The following XKR6 variants were observed in gnomAD, a reference collection of about 807,000 sequenced individuals.
The protein encoded by XKR6 is XK related 6.
In XKR6, 22 loss-of-function variants were observed where a neutral mutation model predicts 56.7. The observed-to-expected ratio is 0.39, with a 90% confidence interval of 0.28 to 0.55. XKR6 has a LOEUF of 0.55. Ranked by LOEUF, XKR6 falls within the 20% of genes least tolerant of loss-of-function variation. XKR6 has a pLI of 0.66. For missense variants in XKR6, 852 were observed against 889.0 expected (o/e 0.96, Z 0.53); for synonymous variants, 524 against 387.8 (o/e 1.35, Z -4.13).
At chr8:11,119,638 T>C (rs1799350864) in intron 1 of XKR6, among the ~76,000 whole-genome samples, 1 of 152,240 alleles carries the variant, frequency 6.6e-6, no homozygotes. Flanking sequence ...CCCTGCCTTT[T>C]TTTTGTTTTC....
intron 1 of XKR6, among the ~76,000 whole-genome samples, chr8:11,110,846 T>TG (rs1216833267): frequency 6.6e-6 from 1 of 152,036 alleles, no homozygotes; most frequent in African/African-American, 2.4e-5. Context: ...ACTTTCCTTT[T>TG]TTTTTTTTGA....
chr8:10,974,139 G>A (rs1054832249), intron 1 of XKR6, among the ~76,000 whole-genome samples: 2 of 152,224 alleles, frequency 1.3e-5, no homozygotes, highest in African/African-American at 2.4e-5. Context: ...AGATGGTGGG[G>A]GAGGAAGAGT....
chr8:11,069,900 G>A (rs1168953395), intron 1 of XKR6, among the ~76,000 whole-genome samples: 1 of 152,194 alleles, frequency 6.6e-6, no homozygotes, highest in African/African-American at 2.4e-5. Context: ...TCAACCTTGG[G>A]TATTTTAATG....
At chr8:11,136,639 G>C (rs938170973) in intron 1 of XKR6, among the ~76,000 whole-genome samples, 1 of 152,106 alleles carries the variant, frequency 6.6e-6, no homozygotes, top group African/African-American at 2.4e-5. Flanking sequence ...TACCCTATCA[G>C]TAGAGACAAG....
At chr8:10,976,588 G>C (rs992600042) in intron 1 of XKR6, among the ~76,000 whole-genome samples, 20 of 152,192 alleles carry the variant, frequency 1.3e-4, no homozygotes, top group Admixed American at 3.9e-4. Flanking sequence ...TGTGCCAAAC[G>C]ATGGTCACAG....
At chr8:11,185,569 G>C (rs957872968) in intron 1 of XKR6, among the ~76,000 whole-genome samples, 2 of 152,146 alleles carry the variant, frequency 1.3e-5, no homozygotes, top group East Asian at 1.9e-4. Context: ...CAACAGATGA[G>C]AATCAGTAGT....
intron 1 of XKR6, among the ~76,000 whole-genome samples, chr8:11,000,444 G>A (rs546153917): frequency 4.6e-5 from 7 of 152,138 alleles, no homozygotes; most frequent in Admixed American, 6.6e-5. Flanking sequence ...CAAGCTCTTT[G>A]GGAAACTGAG....
intron 1 of XKR6, among the ~76,000 whole-genome samples, chr8:10,945,142 C>T (rs909552925): frequency 7.2e-5 from 11 of 152,202 alleles, no homozygotes; most frequent in Non-Finnish European, 1.5e-4. Flanking sequence ...AAGTAGGGCT[C>T]AGGCCACCAG....
chr8:11,022,023 G>A (rs1194562056), intron 1 of XKR6, among the ~76,000 whole-genome samples: 1 of 151,488 alleles, frequency 6.6e-6, no homozygotes, highest in Non-Finnish European at 1.5e-5. Flanking sequence ...AAAACAAAGG[G>A]GAAGAAACAA....
chr8:10,985,834 G>C (rs759325697), intron 1 of XKR6, among the ~76,000 whole-genome samples: 1 of 152,076 alleles, frequency 6.6e-6, no homozygotes, highest in Non-Finnish European at 1.5e-5. Flanking sequence ...TTGAACTCCC[G>C]AGCTCAAGCG....
intron 1 of XKR6, among the ~76,000 whole-genome samples, chr8:10,976,530 G>T (rs1022334778): frequency 6.6e-6 from 1 of 152,180 alleles, no homozygotes; most frequent in African/African-American, 2.4e-5. Flanking sequence ...CCCTGTGCAC[G>T]GAGGCCTGCA....
At chr8:11,177,562 GAGGTCATAATGGAAT>G (rs113410502) in intron 1 of XKR6, among the ~76,000 whole-genome samples, 46,190 of 152,060 alleles carry the variant, frequency 0.3, 7,692 homozygotes, top group Non-Finnish European at 0.37. Flanking sequence ...AACTTAAGGT[GAGGTCATAATGGAAT>G]AGGCAAGGCC....
chr8:11,072,156 A>G, intron 1 of XKR6, among the ~76,000 whole-genome samples: 1 of 152,236 alleles, frequency 6.6e-6, no homozygotes, highest in South Asian at 2.1e-4. Context: ...TCACCTGTAC[A>G]GCCAATACCG....
chr8:11,142,789 A>G (rs749565681), intron 1 of XKR6, among the ~76,000 whole-genome samples: 9 of 152,234 alleles, frequency 5.9e-5, no homozygotes, highest in Non-Finnish European at 1.2e-4. Context: ...ATTTCTTTAT[A>G]GCAACACAAG....
chr8:10,913,527 T>C (rs991393233), intron 2 of XKR6, among the ~76,000 whole-genome samples: 1 of 152,134 alleles, frequency 6.6e-6, no homozygotes, highest in African/African-American at 2.4e-5. Context: ...GCCATCGCTG[T>C]TGGGTGCTTC....
chr8:11,040,359 T>TAAAA (rs143219123), intron 1 of XKR6, among the ~76,000 whole-genome samples: 2 of 107,336 alleles, frequency 1.9e-5, no homozygotes, highest in Non-Finnish European at 3.9e-5. Context: ...TCATGTCTGC[T>TAAAA]AAAAAAAAAA....
At chr8:10,990,772 G>A (rs1797972149) in intron 1 of XKR6, among the ~76,000 whole-genome samples, 1 of 151,862 alleles carries the variant, frequency 6.6e-6, no homozygotes, top group Admixed American at 6.6e-5. Flanking sequence ...TTGTAGAGAC[G>A]AGATTTTGTC....
intron 1 of XKR6, among the ~76,000 whole-genome samples, chr8:10,958,598 G>A (rs552030531): frequency 6.6e-6 from 1 of 152,152 alleles, no homozygotes; most frequent in African/African-American, 2.4e-5. Flanking sequence ...GGTAGAAATG[G>A]GTGTGATCAC....
At chr8:11,142,398 C>T (rs910807672) in intron 1 of XKR6, among the ~76,000 whole-genome samples, 4 of 152,136 alleles carry the variant, frequency 2.6e-5, no homozygotes, top group Non-Finnish European at 4.4e-5. Context: ...TCCCTTTGGC[C>T]AACTGATACA....
Sources: allele counts gnomAD v4.1 joint callset (sites outside exome capture counted in the v4.1 genomes callset), GRCh38; gene constraint gnomAD v4.1.1; transcripts MANE v1.5; gene names NCBI Gene and HGNC (gene_info 2026-07-23, HGNC 2026-07-21).